RUNX1T1: variants seen among roughly 807,000 people sequenced by gnomAD.
The protein encoded by RUNX1T1 is protein CBFA2T1.
A neutral mutation model predicts 62.8 loss-of-function variants in RUNX1T1; 4 were observed. The ratio of observed to expected loss-of-function variants is 0.06; its 90% CI spans 0.03 to 0.15. RUNX1T1 has a LOEUF of 0.15. Among genes scored for constraint, RUNX1T1 ranks in the 10% least tolerant of loss-of-function variants. The pLI is 1.00. For synonymous variants in RUNX1T1, 291 were observed against 286.0 expected (o/e 1.02, Z -0.18); for missense variants, 508 against 754.3 (o/e 0.67, Z 3.82).
At chr8:92,002,414 GA>G (rs967041308) in intron 5 of RUNX1T1, among the ~76,000 whole-genome samples, 4 of 151,404 alleles carry the variant, frequency 2.6e-5, no homozygotes, top group African/African-American at 7.3e-5. Flanking sequence ...AATGTTTAAA[GA>G]AAAAAAACAT....
intron 8 of RUNX1T1, among the ~76,000 whole-genome samples, chr8:91,984,883 C>T (rs1376939343): frequency 1.3e-5 from 2 of 152,098 alleles, no homozygotes; most frequent in Non-Finnish European, 1.5e-5. Flanking sequence ...TTAAAATATG[C>T]TTCAGAATAA....
At chr8:92,042,161 C>T (rs1828598263) in intron 1 of RUNX1T1, among the ~76,000 whole-genome samples, 1 of 152,050 alleles carries the variant, frequency 6.6e-6, no homozygotes. Flanking sequence ...TAAACATTCT[C>T]TGGTTTTATT....
At chr8:91,987,590 T>G (rs888837871) in intron 6 of RUNX1T1, among the ~76,000 whole-genome samples, 65 of 152,010 alleles carry the variant, frequency 4.3e-4, no homozygotes, top group African/African-American at 1.5e-3. Flanking sequence ...CAAAAAAAAA[T>G]TAATATACCA....
At position 92,096,710 on chromosome 8, in the gene RUNX1T1, T is replaced by A. The variant is rs567798010; in HGVS notation, c.-86+2870A>T. Reference sequence around the variant, plus strand: ...ACACAATTGTTCATGGTGTGCACTGTAGCCCTAGCTGCTGTGAAACTTCAG... The same window carrying A: ...ACACAATTGTTCATGGTGTGCACTGAAGCCCTAGCTGCTGTGAAACTTCAG... On this transcript the variant is annotated intron_variant, in intron 1 of 11. Coordinates refer to the RUNX1T1 transcript ENST00000265814. Among the ~76,000 whole-genome samples the A allele has an allele frequency of 2.6e-5, 4 of 152,254 alleles. No homozygotes were observed. The East Asian group carries it at 7.7e-4, about 29-fold the overall frequency.
At chr8:92,083,033 C>T (rs1001100317) in intron 1 of RUNX1T1, among the ~76,000 whole-genome samples, 1 of 152,038 alleles carries the variant, frequency 6.6e-6, no homozygotes, top group Admixed American at 6.5e-5. Context: ...AGAAATTGTT[C>T]GATCTCATAA....
At chr8:91,963,868 T>C (rs1811048313) in intron 10 of RUNX1T1, among the ~76,000 whole-genome samples, 1 of 152,240 alleles carries the variant, frequency 6.6e-6, no homozygotes, top group South Asian at 2.1e-4. Context: ...AGGAGTGATG[T>C]CACTGAAATT....
chr8:91,993,137 T>C (rs1170814962), intron 5 of RUNX1T1, among the ~76,000 whole-genome samples: 9 of 152,156 alleles, frequency 5.9e-5, no homozygotes. Context: ...CATGCCTTCT[T>C]TATTTTAGAT....
At chr8:92,073,439 C>T (rs1175456135) in intron 2 of RUNX1T1, among the ~76,000 whole-genome samples, 3 of 152,144 alleles carry the variant, frequency 2.0e-5, no homozygotes, top group African/African-American at 4.8e-5. Flanking sequence ...AAACTTGCTA[C>T]GCAGACCAGA....
chr8:92,101,576 G>A, upstream of RUNX1T1, among the ~76,000 whole-genome samples: 1 of 152,138 alleles, frequency 6.6e-6, no homozygotes, highest in East Asian at 1.9e-4. Flanking sequence ...CGCTTTGCAA[G>A]GAATGAGACC....
intron 1 of RUNX1T1, among the ~76,000 whole-genome samples, chr8:92,039,198 G>A (rs1327534885): frequency 2.0e-5 from 3 of 150,108 alleles, no homozygotes; most frequent in Admixed American, 1.3e-4. Context: ...GCAGTGATGA[G>A]GTTTCACTAT....
At chr8:91,956,351 G>A (rs1809385584), downstream of RUNX1T1, 1 of 230,560 alleles carries the variant, frequency 4.3e-6, no homozygotes, top group Non-Finnish European at 8.6e-6. Context: ...CAACACGCAT[G>A]GATAAGCCAA....
At chr8:92,055,451 T>G (rs1212848790) in intron 1 of RUNX1T1, among the ~76,000 whole-genome samples, 1 of 151,650 alleles carries the variant, frequency 6.6e-6, no homozygotes, top group Non-Finnish European at 1.5e-5. Flanking sequence ...AATTTATTAA[T>G]TTTTTTTTGA....
chr8:91,971,950 A>C (rs1361943981), intron 9 of RUNX1T1, among the ~76,000 whole-genome samples: 3 of 152,182 alleles, frequency 2.0e-5, no homozygotes, highest in Non-Finnish European at 4.4e-5. Flanking sequence ...TCTAATTTTC[A>C]TCTTTATTCA....
chr8:91,960,212 G>T (rs1810115677), exon 11 of RUNX1T1: 1 of 1,593,330 alleles, frequency 6.3e-7, no homozygotes, highest in South Asian at 1.1e-5. Context: ...TGGTTGTGTT[G>T]TCTTTCCTCC....
intron 1 of RUNX1T1, among the ~76,000 whole-genome samples, chr8:92,028,278 G>C (rs1825634706): frequency 6.7e-6 from 1 of 149,738 alleles, no homozygotes; most frequent in Non-Finnish European, 1.5e-5. Context: ...CAGTTCAATA[G>C]AGCAAATGGT....
At chr8:92,086,406 C>T (rs1438178707) in intron 1 of RUNX1T1, among the ~76,000 whole-genome samples, 3 of 152,156 alleles carry the variant, frequency 2.0e-5, no homozygotes, top group Non-Finnish European at 4.4e-5. Context: ...CCTGAGGGCA[C>T]CTGCAAAAGA....
intron 1 of RUNX1T1, among the ~76,000 whole-genome samples, chr8:92,051,624 ACTCTCTCT>A (rs58500025): frequency 4.9e-4 from 55 of 113,208 alleles, no homozygotes; most frequent in Middle Eastern, 5.2e-3. Context: ...TCTCTCTCTC[ACTCTCTCT>A]CTCTCTCTCT....
intron 2 of RUNX1T1, among the ~76,000 whole-genome samples, chr8:92,016,290 G>C (rs6987763): frequency 0.23 from 35,340 of 151,954 alleles, 4,335 homozygotes; most frequent in African/African-American, 0.31. Flanking sequence ...CCTTTGGACT[G>C]TACTGAAAGC....
intron 1 of RUNX1T1, among the ~76,000 whole-genome samples, chr8:92,026,202 G>GC (rs1173252662): frequency 1.3e-5 from 2 of 152,206 alleles, no homozygotes; most frequent in African/African-American, 4.8e-5. Context: ...CCAAAGAAAT[G>GC]CCCCAATAAA....
Sources: allele counts gnomAD v4.1 joint callset (sites outside exome capture counted in the v4.1 genomes callset), GRCh38; gene constraint gnomAD v4.1.1; transcripts MANE v1.5; gene names NCBI Gene and HGNC (gene_info 2026-07-23, HGNC 2026-07-21).